Variants in DDX42 observed in about 807,000 individuals in gnomAD.
DDX42 encodes DEAD-box helicase 42, also known as ATP-dependent RNA helicase DDX42.
In DDX42, 22 loss-of-function variants were observed where a neutral mutation model predicts 101.5. The ratio of observed to expected loss-of-function variants is 0.22; its 90% CI spans 0.15 to 0.31. DDX42 has a LOEUF of 0.31. DDX42 is among the 10% of genes least tolerant of loss of function. DDX42 has a pLI of 1.00. For synonymous variants in DDX42, 402 were observed against 401.2 expected, an observed-to-expected ratio of 1.00 and a Z score of -0.02; for missense variants, 849 against 1,199.9, an observed-to-expected ratio of 0.71 and a Z score of 4.32.
intron 10 of DDX42, 141 bp from the exon 11 acceptor site, chr17:63,809,419 C>G: frequency 1.6e-6 from 1 of 632,910 alleles, no homozygotes; most frequent in Non-Finnish European, 2.8e-6. Context: ...CTAAGTAGTG[C>G]ATAAGGTATG....
rs562962030 is a variant in DDX42, at chr17:63,805,234, T to G, written c.726+59T>G. The G allele has an allele frequency of 2.0e-5, 32 of 1,570,930 alleles. No homozygotes were observed. The African/African-American group carries it at 3.2e-4, about 16-fold the overall frequency. On this transcript the variant is annotated intron_variant, in intron 7 of 17. Transcript: ENST00000389924. ...AATGTTAATTAGTCCAGATTTAGTATTATTGGTTATCTAAACTAATAACCT... is the reference window on the plus strand; with the variant it reads ...AATGTTAATTAGTCCAGATTTAGTAGTATTGGTTATCTAAACTAATAACCT...
rs772723138 is a variant in DDX42, at chr17:63,818,135, C to G, written c.2554C>G (p.Arg852Gly). 3 of 1,613,742 alleles carry G rather than the reference C, an allele frequency of 1.9e-6. No homozygotes were observed. In the African/African-American group the frequency reaches 4.0e-5, roughly 22 times the overall value. ...DGYRHPESSSRHTDGHRHGEN... is the reference protein window; with the variant it reads ...DGYRHPESSSGHTDGHRHGEN... ...ATACCGCCATCCAGAAAGCAGCAGCCGTCATACTGATGGCCATCGGCACGG... is the reference window on the plus strand; with the variant it reads ...ATACCGCCATCCAGAAAGCAGCAGCGGTCATACTGATGGCCATCGGCACGG... Residue 852 changes from arginine (R) to glycine (G), a missense_variant, in exon 18 of 18, where the codon CGT (arginine) becomes GGT (glycine). Coordinates refer to ENST00000389924, the MANE Select transcript of DDX42 (RefSeq NM_203499.3).
intron 15 of DDX42, 58 bp from the exon 16 acceptor site, chr17:63,815,505 C>G: frequency 7.5e-7 from 1 of 1,333,744 alleles, no homozygotes; most frequent in East Asian, 2.4e-5. Context: ...TGTCCTCGTT[C>G]TCTTCTTCTG....
chr17:63,799,358 TA>T (rs1229984285), intron 4 of DDX42: 3 of 409,822 alleles, frequency 7.3e-6, no homozygotes, highest in African/African-American at 6.1e-5. Flanking sequence ...CCGCTGTTTC[TA>T]GGGGTATCAT....
At chr17:63,806,324 C>T (rs570092547) in intron 7 of DDX42, 404 of 371,330 alleles carry the variant, frequency 1.1e-3, no homozygotes, top group South Asian at 2.4e-3. Flanking sequence ...TGACAATTAT[C>T]TTGGGAATAT....
chr17:63,783,629 G>A (rs2039513871), intron 1 of DDX42, among the ~76,000 whole-genome samples: 1 of 152,208 alleles, frequency 6.6e-6, no homozygotes, highest in East Asian at 1.9e-4. Flanking sequence ...AGCAGGAGAT[G>A]AAGTTCAGGT....
At position 63,787,248 on chromosome 17, in the gene DDX42, G is replaced by A. The variant is rs866118153; in HGVS notation, c.199G>A (p.Ala67Thr). The part of the protein sequence containing the change: ...PSFYKIGSKR[A>T]NFDEENAYFE... ...TTTCTACAAAATTGGATCTAAGCGG[G>A]CCAACTTTGATGAAGAAAATGCGTA... Residue 67 changes from alanine (A) to threonine (T), a missense_variant, in exon 2 of 18, where the codon GCC becomes ACC. By Grantham distance (58) the Ala-to-Thr change is moderately conservative. Coordinates refer to ENST00000389924, the MANE Select transcript of DDX42 (RefSeq NM_203499.3). 6.2e-7 allele frequency: 1 copy of A among 1,614,126 alleles called. No individual in the cohort carries two copies. Among genetic ancestry groups the A allele is most frequent in the South Asian group, 1.1e-5 (1 of 91,082 alleles).
Position 63,818,232 on chromosome 17 carries a change from A to C in DDX42, c.2651A>C (p.Glu884Ala). The C allele has an allele frequency of 6.2e-7, 1 of 1,614,060 alleles. No individual in the cohort carries two copies. The highest frequency in any genetic ancestry group is 8.5e-7 in the Non-Finnish European group (1 of 1,180,024). Residue 884 changes from glutamate to alanine, a missense_variant, in exon 18 of 18, where the codon GAA (glutamate) becomes GCA (alanine). Glu to Ala is a moderately radical substitution (Grantham distance 107). Transcript: ENST00000389924. ...GGTGCAAATGATGGTCGGAATGGGG[A>C]AAGCAGGAAAGAAGCTTTTAATCGT... Reference protein sequence around the residue: ...NRGANDGRNGESRKEAFNRES... With the variant: ...NRGANDGRNGASRKEAFNRES...
At position 63,818,577 on chromosome 17, in the gene DDX42, A is replaced by C; in HGVS notation, c.*179A>C. The stretch of plus-strand genomic sequence containing the variant: ...GGAATTTTCGGATGTTTTCTTGGGA[A>C]GCTGTTTTGGTCCTTGGAAGCAGTG... On this transcript the variant is annotated 3_prime_UTR_variant, in exon 18 of 18. Transcript: ENST00000389924. 1.6e-6 allele frequency: 1 copy of C among 628,158 alleles called. No individual in the cohort carries two copies. The highest frequency in any genetic ancestry group is 2.7e-6 in the Non-Finnish European group (1 of 373,462). 38.9% of individuals were successfully genotyped at this position (628,158 alleles called of 1,614,324 possible).
Position 63,808,947 on chromosome 17 carries a change from C to T in DDX42, c.1151C>T (p.Pro384Leu). The change falls in exon 10 of 18, where the codon CCA becomes CTA. Residue 384 changes from proline to leucine, a missense_variant and splice_region_variant. Coordinates refer to ENST00000389924, the MANE Select transcript of DDX42 (RefSeq NM_203499.3). ...QEGAEIVVCT[P>L]GRLIDHVKKK... ...GGGGCAGAGATTGTTGTGTGTACCC[C>T]AGTAAGTATGCCTTGTGTTTAAATG... is the stretch of plus-strand genomic sequence containing the variant. The T allele has an allele frequency of 1.2e-6, 2 of 1,613,168 alleles. No individual in the cohort carries two copies. Among genetic ancestry groups the T allele is most frequent in the Non-Finnish European group, 1.7e-6 (2 of 1,179,644 alleles).
intron 2 of DDX42, among the ~76,000 whole-genome samples, chr17:63,788,686 C>T (rs974182592): frequency 1.3e-5 from 2 of 152,088 alleles, no homozygotes; most frequent in Non-Finnish European, 2.9e-5. Context: ...TCCCATAGTT[C>T]TCATAATTGG....
chr17:63,806,417 A>G, intron 7 of DDX42, 118 bp from the exon 8 acceptor site: 1 of 1,165,128 alleles, frequency 8.6e-7, no homozygotes, highest in Non-Finnish European at 1.2e-6. Context: ...TGGCTTACAG[A>G]CTTGTATTTT....
Position 63,808,893 on chromosome 17 carries a change from T to A in DDX42, c.1097T>A (p.Met366Lys). ...RSVAVYGGGS[M>K]WEQAKALQEG... ...GTGGCCGTATATGGAGGAGGGAGTATGTGGGAGCAGGCCAAGGCCCTTCAG... is the reference window on the plus strand; with the variant it reads ...GTGGCCGTATATGGAGGAGGGAGTAAGTGGGAGCAGGCCAAGGCCCTTCAG... Residue 366 changes from methionine (M) to lysine (K), a missense_variant, in exon 10 of 18, where the codon ATG becomes AAG. Met to Lys is a moderately conservative substitution (Grantham distance 95). This residue lies in a region of DDX42 where 370 missense variants were observed against 608.8 expected (regional missense o/e 0.61). Transcript: ENST00000389924. 2 of 1,613,990 alleles carry A rather than the reference T, an allele frequency of 1.2e-6. No individual in the cohort carries two copies. Among genetic ancestry groups the A allele is most frequent in the Non-Finnish European group, 1.7e-6 (2 of 1,179,948 alleles).
chr17:63,784,946 A>G (rs935686021), intron 1 of DDX42, among the ~76,000 whole-genome samples: 2 of 152,184 alleles, frequency 1.3e-5, no homozygotes, highest in Non-Finnish European at 2.9e-5. Flanking sequence ...ATAGATATCT[A>G]TTGACATTAA....
At chr17:63,812,740 C>T (rs1216806735) in intron 14 of DDX42, among the ~76,000 whole-genome samples, 2 of 151,988 alleles carry the variant, frequency 1.3e-5, no homozygotes, top group African/African-American at 4.8e-5. Flanking sequence ...AGATAAAAGT[C>T]CCAGTCGGGC....
At chr17:63,813,515 C>T (rs2039938044) in intron 15 of DDX42, 61 bp downstream of exon 15, 1 of 1,458,898 alleles carries the variant, frequency 6.9e-7, no homozygotes. Context: ...TTTTAGCAGT[C>T]CTGGAACAGA....
chr17:63,791,423 T>C (rs1332831639), intron 2 of DDX42, among the ~76,000 whole-genome samples: 2 of 152,184 alleles, frequency 1.3e-5, no homozygotes, highest in Non-Finnish European at 2.9e-5. Flanking sequence ...GCAGTTCTCT[T>C]GCCTCAGCCT....
Position 63,818,496 on chromosome 17 carries a change from G to A in DDX42, c.*98G>A. The A allele has an allele frequency of 8.9e-7, 1 of 1,124,780 alleles. No individual in the cohort carries two copies. The highest frequency in any genetic ancestry group is 1.2e-6 in the Non-Finnish European group (1 of 804,156). The allele number at this position is 1,124,780 out of a possible 1,614,324, so 69.7% of individuals were successfully genotyped here. A position where few individuals can be genotyped will look rare whatever the true frequency, so the allele number is the denominator to read the frequency against. On this transcript the variant is annotated 3_prime_UTR_variant, in exon 18 of 18. Transcript: ENST00000389924. ...GCTGGGTTGGGGTCCAAAGTGTAAG[G>A]ACCCCCTGCCCTTAGTGGAGAGCTG...
In DDX42 at chr17:63,818,242, A is replaced by G. The variant is rs372264067; in HGVS notation, c.2661A>G (p.Lys887=). The G allele has an allele frequency of 3.1e-6, 5 of 1,614,152 alleles. No homozygotes were observed. The highest frequency in any genetic ancestry group is 3.3e-5 in the Admixed American group (2 of 60,022). ...ATGGTCGGAATGGGGAAAGCAGGAA[A>G]GAAGCTTTTAATCGTGAGAGCAAGA... ...ANDGRNGESR[K]EAFNRESKME... is the part of the protein sequence containing the mutation. Residue 887 remains lysine (K), a synonymous_variant, in exon 18 of 18, where the codon AAA becomes AAG. Transcript: ENST00000389924.
Sources: gnomAD v4.1 joint callset for allele counts (sites outside exome capture counted in the v4.1 genomes callset) on GRCh38, gnomAD v4.1.1 for gene constraint, gnomAD v4.1.1 regional missense constraint, MANE v1.5 for transcripts, NCBI Gene and HGNC (gene_info 2026-07-23, HGNC 2026-07-21) for gene names.